The following PFKM variants were observed in gnomAD, a reference collection of about 807,000 sequenced individuals.
PFKM encodes phosphofructokinase, muscle, also known as ATP-dependent 6-phosphofructokinase, muscle type.
In PFKM, 58 loss-of-function variants were observed where a neutral mutation model predicts 95.5. The observed-to-expected ratio is 0.61, with a 90% CI of 0.49 to 0.76. PFKM has a LOEUF of 0.76. Ranked by LOEUF, PFKM falls within the 30% of genes least tolerant of loss-of-function variation. PFKM has a pLI of 0.00. For synonymous variants in PFKM, 336 were observed against 357.2 expected, an observed-to-expected ratio of 0.94 and a Z score of 0.67; for missense variants, 678 against 1,005.4, an observed-to-expected ratio of 0.67 and a Z score of 4.40.
At chr12:48,122,720 A>T in intron 1 of PFKM, 47 bp from the exon 2 acceptor site, 1 of 1,612,950 alleles carries the variant, frequency 6.2e-7, no homozygotes, top group Non-Finnish European at 8.5e-7. Flanking sequence ...AGCTAGTGGC[A>T]TCTTGATTCC....
At chr12:48,131,130 G>A (rs1377818949) in intron 3 of PFKM, among the ~76,000 whole-genome samples, 186 bp from the exon 4 acceptor site, 2 of 152,224 alleles carry the variant, frequency 1.3e-5, no homozygotes, top group African/African-American at 2.4e-5. Flanking sequence ...GTAGAAGAGA[G>A]TATTGCAAAA....
chr12:48,143,670 T>C, intron 18 of PFKM, 83 bp from the exon 19 acceptor site: 2 of 960,884 alleles, frequency 2.1e-6, no homozygotes, highest in Non-Finnish European at 3.4e-6. Flanking sequence ...TCTTCCTTCC[T>C]GGAGAGGTGT....
At position 48,107,457 on chromosome 12, in the gene PFKM, T is replaced by C. The variant is rs760591897; in HGVS notation, c.82+2T>C. On this transcript the variant is annotated splice_donor_variant, in intron 2 of 24. Transcript: ENST00000340802. LOFTEE classifies it high-confidence loss of function. ...TAGTCAGGACTCCTCAGAGAACAGG[T>C]ACCCTTGTCTCCTGATCATACTCCA... The C allele has an allele frequency of 7.0e-6, 11 of 1,573,306 alleles. No individual in the cohort carries two copies. The highest frequency in any genetic ancestry group is 4.3e-6 in the Non-Finnish European group (5 of 1,156,028).
chr12:48,133,694 GC>G (rs1310401706), intron 6 of PFKM, among the ~76,000 whole-genome samples: 1 of 152,172 alleles, frequency 6.6e-6, no homozygotes, highest in Non-Finnish European at 1.5e-5. Context: ...CCACTGTCTG[GC>G]CCACTGTCCA....
Position 48,145,567 on chromosome 12 carries a change from T to C in PFKM, c.2202T>C (p.His734=). 1 of 1,614,118 alleles carries C rather than the reference T, an allele frequency of 6.2e-7. No homozygotes were observed. Among genetic ancestry groups the C allele is most frequent in the Non-Finnish European group, 8.5e-7 (1 of 1,180,008 alleles). The stretch of plus-strand genomic sequence containing the variant: ...CATCTACCTCATTCCTCTGTAGGCA[T>C]CGAATCCCCAAGGAACAGTGGTGGC... The part of the protein sequence containing the change: ...AELKDQTDFE[H]RIPKEQWWLK... The change falls in exon 23 of 23, where the codon CAT becomes CAC. Residue 734 remains histidine (H), a synonymous_variant. Coordinates refer to ENST00000359794, the MANE Select transcript of PFKM (RefSeq NM_000289.6). The surrounding 1 kb of genome is among the most constrained non-coding windows in gnomAD (Gnocchi z 4.3).
intron 15 of PFKM, 82 bp downstream of exon 15, chr12:48,141,463 C>A (rs376289235): frequency 1.9e-5 from 23 of 1,202,866 alleles, no homozygotes; most frequent in Middle Eastern, 3.8e-4. Context: ...CCATGGTCTG[C>A]TTCAACCACC....
In PFKM at chr12:48,141,833, T is replaced by C; in HGVS notation, c.1500+6T>C. On this transcript the variant is annotated splice_donor_region_variant and intron_variant, in intron 16 of 22. Transcript: ENST00000359794. ...TCATCATTGGGGGCTTTGAGGTGAGTGCCTGCCACCATTTCTTCCTCTCTC... is the reference window on the plus strand; with the variant it reads ...TCATCATTGGGGGCTTTGAGGTGAGCGCCTGCCACCATTTCTTCCTCTCTC... 1.2e-6 allele frequency: 2 copies of C among 1,613,240 alleles called. No individual in the cohort carries two copies. The highest frequency in any genetic ancestry group is 1.7e-6 in the Non-Finnish European group (2 of 1,179,248).
At chr12:48,137,133 C>T (rs1186508728) in intron 10 of PFKM, among the ~76,000 whole-genome samples, 1 of 151,078 alleles carries the variant, frequency 6.6e-6, no homozygotes, top group Admixed American at 6.6e-5. Flanking sequence ...GCAATCTCGG[C>T]TCACTGCAGT....
At chr12:48,134,364 A>G in intron 7 of PFKM, 88 bp downstream of exon 7, 3 of 1,116,100 alleles carry the variant, frequency 2.7e-6, no homozygotes, top group Non-Finnish European at 4.1e-6. Context: ...GTCTCTCAGT[A>G]GCAGCAGATC....
intron 1 of PFKM, among the ~76,000 whole-genome samples, chr12:48,121,511 G>A (rs1948264705): frequency 6.6e-6 from 1 of 152,188 alleles, no homozygotes; most frequent in South Asian, 2.1e-4. Flanking sequence ...TATTATTTGT[G>A]TGGATTTGGG....
chr12:48,126,523 A>G (rs1948850135), intron 2 of PFKM, among the ~76,000 whole-genome samples: 1 of 152,116 alleles, frequency 6.6e-6, no homozygotes, highest in South Asian at 2.1e-4. Context: ...TTTTTTTTGT[A>G]TGCCCAACAG....
In PFKM at chr12:48,139,922, A is replaced by G; in HGVS notation, c.1191+10A>G. 6.3e-7 allele frequency: 1 copy of G among 1,591,814 alleles called. No individual in the cohort carries two copies. Among genetic ancestry groups the G allele is most frequent in the Non-Finnish European group, 8.6e-7 (1 of 1,159,910 alleles). On this transcript the variant is annotated intron_variant, in intron 13 of 22. Transcript: ENST00000359794. ...ACCCCCGGTATCTAAGGTACTGGCAAGTTGACTTGCCCTCTCCCCTTTTCC... is the reference window on the plus strand; with the variant it reads ...ACCCCCGGTATCTAAGGTACTGGCAGGTTGACTTGCCCTCTCCCCTTTTCC...
At chr12:48,108,851 A>G (rs1392811583) in intron 3 of PFKM, among the ~76,000 whole-genome samples, 1 of 152,246 alleles carries the variant, frequency 6.6e-6, no homozygotes, top group African/African-American at 2.4e-5. Context: ...TATCCTTGCC[A>G]TTGCCCCAAT....
chr12:48,115,255 C>T (rs995082217), upstream of PFKM, among the ~76,000 whole-genome samples: 8 of 152,200 alleles, frequency 5.3e-5, no homozygotes, highest in South Asian at 6.2e-4. Context: ...AAATGTTTCA[C>T]GTGTCCATGT....
chr12:48,131,457 GGGC>G, intron 4 of PFKM, 64 bp downstream of exon 4: 2 of 1,170,994 alleles, frequency 1.7e-6, no homozygotes, highest in Non-Finnish European at 2.6e-6. Context: ...ACTCTGTTTT[GGGC>G]TCATGGTCTC....
chr12:48,119,887 T>C (rs1349910439), intron 1 of PFKM: 1 of 152,208 alleles, frequency 6.6e-6, no homozygotes, highest in African/African-American at 2.4e-5. Context: ...CCTCTATAAC[T>C]GTCTTAGAGA....
chr12:48,137,147 C>A (rs927877211), intron 10 of PFKM, among the ~76,000 whole-genome samples: 1 of 150,754 alleles, frequency 6.6e-6, no homozygotes, highest in Admixed American at 6.6e-5. Flanking sequence ...CTGCAGTCTC[C>A]ATCTCCTGGG....
At chr12:48,141,887 C>T (rs758352686) in intron 16 of PFKM, 27 bp from the exon 17 acceptor site, 10 of 1,613,954 alleles carry the variant, frequency 6.2e-6, no homozygotes, top group Admixed American at 3.3e-5. Flanking sequence ...TCTCCCCAAT[C>T]CTGCCCTTGT....
upstream of PFKM, among the ~76,000 whole-genome samples, chr12:48,118,870 A>G (rs963400222): frequency 7.8e-6 from 1 of 127,430 alleles, no homozygotes; most frequent in Non-Finnish European, 1.6e-5. Context: ...AATGTTCCTC[A>G]AAGGCAGGGA....
Sources: allele counts gnomAD v4.1 joint callset (sites outside exome capture counted in the v4.1 genomes callset), GRCh38; gene constraint gnomAD v4.1.1; non-coding constraint Gnocchi (gnomAD v3.1); transcripts MANE v1.5; gene names NCBI Gene and HGNC (gene_info 2026-07-23, HGNC 2026-07-21).